Variants in EPB41L4A observed in about 807,000 individuals in gnomAD.
The protein encoded by EPB41L4A is band 4.1-like protein 4A.
In EPB41L4A, 100 loss-of-function variants were observed where a neutral mutation model predicts 108.6. The observed-to-expected ratio is 0.92, with a 90% CI of 0.78 to 1.09. The LOEUF is 1.09. Ranked by LOEUF, EPB41L4A falls within the 50% of genes least tolerant of loss-of-function variation. The pLI, the probability that EPB41L4A is intolerant of heterozygous loss-of-function variation, is 0.00. For missense variants in EPB41L4A, 1,030 were observed against 842.7 expected, an observed-to-expected ratio of 1.22 and a Z score of -2.75; for synonymous variants, 319 against 289.0, an observed-to-expected ratio of 1.10 and a Z score of -1.05.
chr5:112,203,204 A>T (rs903861612), intron 15 of EPB41L4A, among the ~76,000 whole-genome samples: 1 of 152,094 alleles, frequency 6.6e-6, no homozygotes, highest in Non-Finnish European at 1.5e-5. Flanking sequence ...AAAAATAAAA[A>T]AATTAGCCGG....
intron 13 of EPB41L4A, among the ~76,000 whole-genome samples, chr5:112,209,426 C>T (rs1167647949): frequency 6.6e-6 from 1 of 152,238 alleles, no homozygotes; most frequent in Non-Finnish European, 1.5e-5. Flanking sequence ...CATGACAAGT[C>T]TTCATACATA....
At chr5:112,161,430 A>G (rs1759894667), downstream of EPB41L4A, 2 of 484,168 alleles carry the variant, frequency 4.1e-6, no homozygotes, top group Non-Finnish European at 8.3e-6. Context: ...TGTAATCGGC[A>G]TTACTGTCAG....
chr5:112,416,159 T>C, intron 1 of EPB41L4A, among the ~76,000 whole-genome samples: 1 of 152,190 alleles, frequency 6.6e-6, no homozygotes, highest in East Asian at 1.9e-4. Context: ...TTTATCTAAG[T>C]TGAAGAAAAA....
chr5:112,152,960 T>C (rs752757158), intron 12 of EPB41L4A, among the ~76,000 whole-genome samples: 1 of 152,272 alleles, frequency 6.6e-6, no homozygotes, highest in Non-Finnish European at 1.5e-5. Context: ...GGCTCATGCC[T>C]GTAATCCCAG....
At chr5:112,242,769 A>G (rs1749889689) in intron 9 of EPB41L4A, among the ~76,000 whole-genome samples, 1 of 152,244 alleles carries the variant, frequency 6.6e-6, no homozygotes, top group African/African-American at 2.4e-5. Flanking sequence ...CAGAACAGAT[A>G]CTGTGATAGC....
chr5:112,414,722 T>A (rs1762607085), intron 1 of EPB41L4A, among the ~76,000 whole-genome samples: 1 of 152,192 alleles, frequency 6.6e-6, no homozygotes, highest in South Asian at 2.1e-4. Flanking sequence ...CACATTCAAG[T>A]CATGGATGAT....
intron 2 of EPB41L4A, among the ~76,000 whole-genome samples, chr5:112,304,811 G>A (rs1371888636): frequency 6.6e-6 from 1 of 152,110 alleles, no homozygotes; most frequent in Non-Finnish European, 1.5e-5. Context: ...CAGTTGAGGA[G>A]AAAAAGCATT....
intron 2 of EPB41L4A, among the ~76,000 whole-genome samples, chr5:112,292,660 C>T (rs185999880): frequency 3.9e-5 from 6 of 152,174 alleles, no homozygotes; most frequent in Admixed American, 1.3e-4. Flanking sequence ...GAAAATATTC[C>T]ATAAAATACA....
chr5:112,328,383 AG>A (rs1195170123), intron 1 of EPB41L4A, among the ~76,000 whole-genome samples: 20 of 137,920 alleles, frequency 1.5e-4, no homozygotes, highest in African/African-American at 6.0e-4. Flanking sequence ...GCTTTCCCAA[AG>A]AAAGATTATT....
intron 2 of EPB41L4A, among the ~76,000 whole-genome samples, chr5:112,288,242 C>T (rs759314642): frequency 8.5e-5 from 13 of 152,196 alleles, no homozygotes; most frequent in Non-Finnish European, 1.9e-4. Context: ...TACAGAAGAG[C>T]TTATTCCAGA....
At chr5:112,347,808 A>C (rs1757781963) in intron 1 of EPB41L4A, among the ~76,000 whole-genome samples, 1 of 152,142 alleles carries the variant, frequency 6.6e-6, no homozygotes. Flanking sequence ...CAGCACTCTA[A>C]AGACAAAGCT....
Position 112,204,884 on chromosome 5 carries a change from G to GA in EPB41L4A, c.1263-397dup, listed in dbSNP as rs528921291. 3.0e-4 allele frequency among the ~76,000 whole-genome samples: 45 copies of GA among 151,860 alleles called. 1 individual carries two copies. The East Asian group carries it at 7.7e-3, about 26-fold the overall frequency. On this transcript the variant is annotated intron_variant, in intron 14 of 22. Transcript: ENST00000261486. ...ATACAACTATTAAACCTATTAAACA[G>GA]AAAAAAAATTGAAATATAGACTACT...
intron 1 of EPB41L4A, among the ~76,000 whole-genome samples, chr5:112,417,067 CTTAAA>C (rs1762761178): frequency 6.6e-6 from 1 of 152,198 alleles, no homozygotes. Context: ...CAACAGCCTG[CTTAAA>C]TTATTGTTTA....
intron 5 of EPB41L4A, among the ~76,000 whole-genome samples, chr5:112,265,717 T>C (rs1751801298): frequency 6.6e-6 from 1 of 152,212 alleles, no homozygotes; most frequent in Non-Finnish European, 1.5e-5. Context: ...TCACTGGAAG[T>C]AGTCTCAGCC....
intron 1 of EPB41L4A, among the ~76,000 whole-genome samples, chr5:112,349,952 T>C (rs2150728319): frequency 6.6e-6 from 1 of 152,154 alleles, no homozygotes; most frequent in African/African-American, 2.4e-5. Context: ...GTGGCAAAGA[T>C]CATAGGGGCG....
chr5:112,419,538 C>A (rs945610560), upstream of EPB41L4A: 1 of 424,086 alleles, frequency 2.4e-6, no homozygotes, highest in African/African-American at 2.0e-5. Flanking sequence ...CGGAGTCCCC[C>A]GCGGGCGCGC....
exon 14 of EPB41L4A, chr5:112,143,839 A>G (rs916517355): frequency 4.4e-6 from 2 of 455,350 alleles, no homozygotes; most frequent in Admixed American, 4.7e-5. Context: ...ACATCACTTC[A>G]TGTGCTGACC....
At chr5:112,197,724 C>T (rs1406765661) in intron 15 of EPB41L4A, among the ~76,000 whole-genome samples, 1 of 152,128 alleles carries the variant, frequency 6.6e-6, no homozygotes, top group Admixed American at 6.5e-5. Flanking sequence ...ATACCTGGAC[C>T]TTTGACTAAC....
At position 112,205,444 on chromosome 5, in the gene EPB41L4A, C is replaced by G. The variant is rs770394354; in HGVS notation, c.1239G>C (p.Pro413=). The G allele has an allele frequency of 1.1e-5, 18 of 1,613,782 alleles. No homozygotes were observed. The Admixed American group carries it at 2.0e-4, about 18-fold the overall frequency. ...ACCTCTGGGGGCCATTTTCTTCCCACGGTGCATGAGATTTGCTTCTTTGGG... is the reference window on the plus strand; with the variant it reads ...ACCTCTGGGGGCCATTTTCTTCCCAGGGTGCATGAGATTTGCTTCTTTGGG... The part of the protein sequence containing the change: ...PDTQRSKSHA[P]WEENGPQSGL... Residue 413 remains proline (P), a synonymous_variant, in exon 14 of 23, where the codon CCG becomes CCC. Transcript: ENST00000261486.
Sources: allele counts gnomAD v4.1 joint callset (sites outside exome capture counted in the v4.1 genomes callset), GRCh38; gene constraint gnomAD v4.1.1; transcripts MANE v1.5; gene names NCBI Gene and HGNC (gene_info 2026-07-23, HGNC 2026-07-21).